Variants in VAC14 observed in about 807,000 individuals in gnomAD.
The protein encoded by VAC14 is VAC14 component of PIKFYVE complex.
A neutral mutation model predicts 85.3 loss-of-function variants in VAC14; 47 were observed. The observed-to-expected ratio is 0.55, with a 90% CI of 0.44 to 0.70. VAC14 has a LOEUF of 0.70. Among genes scored for constraint, VAC14 ranks in the 30% least tolerant of loss-of-function variants. VAC14 has a pLI of 0.00. For missense variants in VAC14, 861 were observed against 1,004.3 expected (o/e 0.86, Z 1.93); for synonymous variants, 447 against 430.5 (o/e 1.04, Z -0.47).
chr16:70,780,137 C>A (rs1014435207), intron 9 of VAC14, among the ~76,000 whole-genome samples: 2 of 151,444 alleles, frequency 1.3e-5, no homozygotes, highest in African/African-American at 4.9e-5. Flanking sequence ...ATTACCCAGC[C>A]CGGCCATAAA....
chr16:70,780,712 G>A, intron 9 of VAC14, 78 bp downstream of exon 9: 1 of 1,495,900 alleles, frequency 6.7e-7, no homozygotes. Flanking sequence ...CTTAAGTGAG[G>A]CCCCAAGGCA....
intron 14 of VAC14, among the ~76,000 whole-genome samples, chr16:70,702,466 C>T (rs753852244): frequency 3.3e-5 from 5 of 152,086 alleles, no homozygotes; most frequent in Non-Finnish European, 7.4e-5. Context: ...TCCAGCCGCT[C>T]GCTCAACCAC....
rs773416458 is a variant in VAC14, at chr16:70,756,125, T to C, written c.1371+6415A>G. 2.0e-3 allele frequency: 926 copies of C among 456,540 alleles called. 6 individuals are homozygous for C. Among genetic ancestry groups the C allele is most frequent in the Non-Finnish European group, 2.7e-3 (617 of 226,842 alleles). 28.3% of individuals were successfully genotyped at this position (456,540 alleles called of 1,614,324 possible). On this transcript the variant is annotated intron_variant, in intron 12 of 18. Transcript: ENST00000261776. ...ATCTGTGGACCGGATGGCATGAGGC[T>C]GGAGAAGGAAAGGGGCACGCTGGGG... is the stretch of plus-strand genomic sequence containing the variant.
At chr16:70,701,928 C>T (rs534467004) in intron 14 of VAC14, among the ~76,000 whole-genome samples, 4 of 152,334 alleles carry the variant, frequency 2.6e-5, no homozygotes, top group South Asian at 2.1e-4. Flanking sequence ...AGGAATGGCA[C>T]GTGGCAGGCT....
At chr16:70,787,202 C>A (rs750295614) in intron 1 of VAC14, among the ~76,000 whole-genome samples, 1 of 152,136 alleles carries the variant, frequency 6.6e-6, no homozygotes, top group South Asian at 2.1e-4. Flanking sequence ...ATGGGTTTGA[C>A]GGGAGACTGA....
At chr16:70,787,249 G>A (rs2143289657) in intron 1 of VAC14, among the ~76,000 whole-genome samples, 1 of 152,330 alleles carries the variant, frequency 6.6e-6, no homozygotes, top group African/African-American at 2.4e-5. Context: ...TAGCTATGGG[G>A]TAAGGTGGTC....
At chr16:70,785,920 C>T (rs1181265616) in intron 2 of VAC14, 51 bp from the exon 3 acceptor site, 4 of 1,549,662 alleles carry the variant, frequency 2.6e-6, no homozygotes, top group Non-Finnish European at 3.5e-6. Flanking sequence ...GGAGCCCAGG[C>T]CCTGCAGCCT....
At chr16:70,703,484 G>A (rs2053867310) in intron 14 of VAC14, among the ~76,000 whole-genome samples, 1 of 152,232 alleles carries the variant, frequency 6.6e-6, no homozygotes, top group Non-Finnish European at 1.5e-5. Flanking sequence ...CTCAGGCACA[G>A]GCAGGGGGGA....
chr16:70,752,718 C>A (rs1393258356), intron 12 of VAC14, among the ~76,000 whole-genome samples: 2 of 152,246 alleles, frequency 1.3e-5, no homozygotes. Context: ...AGGCTCTACC[C>A]CATAGGCCTC....
intron 9 of VAC14, among the ~76,000 whole-genome samples, chr16:70,777,390 C>T (rs958055909): frequency 6.6e-6 from 1 of 152,190 alleles, no homozygotes; most frequent in African/African-American, 2.4e-5. Context: ...AATAAGAAAT[C>T]TGAGGCTCAG....
At chr16:70,771,809 G>A (rs1392261941) in intron 10 of VAC14, 2 of 306,492 alleles carry the variant, frequency 6.5e-6, no homozygotes, top group East Asian at 6.3e-5. Context: ...TTAAACTCCT[G>A]AGCTCAAGCG....
rs946646893 is a variant in VAC14, at chr16:70,689,922, G to T, written c.2187-1832C>A. On this transcript the variant is annotated intron_variant, in intron 18 of 18. Coordinates refer to ENST00000261776, the MANE Select transcript of VAC14 (RefSeq NM_018052.5). ...GCTTGCAGCCCTAAGTCCAGGGTGT[G>T]GCCAGACGCTCCTCTAACCCACTTA... 3.0e-6 allele frequency: 3 copies of T among 985,414 alleles called. No individual in the cohort carries two copies. In the South Asian group the frequency reaches 1.4e-4, roughly 46 times the overall value. The allele number at this position is 985,414 out of a possible 1,614,324, so 61.0% of individuals were successfully genotyped here. A position where few individuals can be genotyped will look rare whatever the true frequency, so the allele number is the denominator to read the frequency against.
intron 13 of VAC14, among the ~76,000 whole-genome samples, chr16:70,733,700 T>C (rs1194806004): frequency 1.3e-5 from 2 of 152,112 alleles, no homozygotes; most frequent in African/African-American, 4.8e-5. Context: ...TCCACTATGA[T>C]TGTAAACTTC....
chr16:70,753,996 C>T (rs2031621042), intron 12 of VAC14, among the ~76,000 whole-genome samples: 1 of 152,224 alleles, frequency 6.6e-6, no homozygotes, highest in African/African-American at 2.4e-5. Context: ...AGCCCAACCT[C>T]TGCCTTCACC....
intron 18 of VAC14, 142 bp from the exon 19 acceptor site, chr16:70,688,232 C>G (rs959597513): frequency 8.5e-6 from 11 of 1,290,300 alleles, no homozygotes; most frequent in Non-Finnish European, 9.8e-6. Flanking sequence ...GCAACTCTTC[C>G]GTCATGGCGG....
intron 1 of VAC14, among the ~76,000 whole-genome samples, chr16:70,790,514 G>T (rs2034287062): frequency 6.6e-6 from 1 of 152,160 alleles, no homozygotes; most frequent in South Asian, 2.1e-4. Flanking sequence ...CTTTAGGAAG[G>T]GCAGTCTGCC....
rs2033833920 is a variant in VAC14 at position 70,781,969 on chromosome 16, C to A, written c.846G>T (p.Met282Ile). Reference sequence around the variant, plus strand: ...GGCCCGCCAGCTGGATGAACTCCCGCATCCAGCACATGGCTGTCAGCTGGA... The same window carrying A: ...GGCCCGCCAGCTGGATGAACTCCCGAATCCAGCACATGGCTGTCAGCTGGA... ...DLIQLTAMCW[M>I]REFIQLAGRV... Residue 282 changes from methionine to isoleucine, a missense_variant, in exon 8 of 19, where the codon ATG becomes ATT. Coordinates refer to ENST00000261776, the MANE Select transcript of VAC14 (RefSeq NM_018052.5). 1.2e-6 allele frequency: 2 copies of A among 1,613,962 alleles called. No homozygotes were observed. Among genetic ancestry groups the A allele is most frequent in the South Asian group, 1.1e-5 (1 of 91,092 alleles).
rs1168526359 is a variant in VAC14, at chr16:70,731,645, G to C, written c.1529-18C>G. 2.5e-6 allele frequency: 4 copies of C among 1,612,462 alleles called. No individual in the cohort carries two copies. The Admixed American group carries it at 6.7e-5, about 27-fold the overall frequency. On this transcript the variant is annotated intron_variant, in intron 13 of 18. Transcript: ENST00000261776. ...TTTGGTACCTGTAGAGAAAGGGATA[G>C]AGCCAGCATTTATTCTGATTATGTG...
chr16:70,752,024 T>G (rs1052506736), intron 12 of VAC14, among the ~76,000 whole-genome samples: 4 of 152,206 alleles, frequency 2.6e-5, no homozygotes, highest in African/African-American at 9.7e-5. Flanking sequence ...TTATTTCCCA[T>G]TGAGAAAACT....
Sources: allele counts gnomAD v4.1 joint callset (sites outside exome capture counted in the v4.1 genomes callset), GRCh38; gene constraint gnomAD v4.1.1; transcripts MANE v1.5; gene names NCBI Gene and HGNC (gene_info 2026-07-23, HGNC 2026-07-21).